The following CTNND2 variants were observed in gnomAD, a reference collection of about 807,000 sequenced individuals.
CTNND2 encodes the protein catenin delta-2.
CTNND2 carries 22 observed loss-of-function variants against 144.4 expected under a neutral mutation model. The observed-to-expected ratio is 0.15, with a 90% confidence interval of 0.11 to 0.22. CTNND2 has a LOEUF of 0.22. Ranked by LOEUF, CTNND2 falls within the 10% of genes least tolerant of loss-of-function variation. CTNND2 has a pLI of 1.00. For synonymous variants in CTNND2, 751 were observed against 695.6 expected (o/e 1.08, Z -1.25); for missense variants, 1,353 against 1,618.8 (o/e 0.84, Z 2.82).
intron 2 of CTNND2, among the ~76,000 whole-genome samples, chr5:11,580,897 G>C (rs1042247952): frequency 6.6e-6 from 1 of 152,126 alleles, no homozygotes; most frequent in African/African-American, 2.4e-5. Context: ...GGGTAGTTTA[G>C]AGGTTTCATC....
At chr5:10,985,982 A>G (rs1413775177) in intron 20 of CTNND2, among the ~76,000 whole-genome samples, 1 of 152,188 alleles carries the variant, frequency 6.6e-6, no homozygotes, top group East Asian at 1.9e-4. Context: ...GATAATAACA[A>G]TCGGCGTTTA....
chr5:11,351,735 A>G lies in CTNND2; in HGVS notation c.1373-5108T>C, dbSNP rs543144002. Among the ~76,000 whole-genome samples the G allele has an allele frequency of 2.6e-5, 4 of 152,346 alleles. No homozygotes were observed. In the South Asian group the frequency reaches 8.3e-4, roughly 32 times the overall value. ...ATGTTCAATAAAGAGGAAGAAAAAA[A>G]GCACTACTTTTTGGATTATTTGTCT... On this transcript the variant is annotated intron_variant, in intron 8 of 21. Transcript: ENST00000304623.
At chr5:11,183,705 C>T (rs973537805) in intron 11 of CTNND2, among the ~76,000 whole-genome samples, 1 of 152,014 alleles carries the variant, frequency 6.6e-6, no homozygotes, top group African/African-American at 2.4e-5. Context: ...TTACAGGTGC[C>T]TGCCACCGTG....
At chr5:11,830,937 C>T (rs1793865880) in intron 1 of CTNND2, among the ~76,000 whole-genome samples, 1 of 151,948 alleles carries the variant, frequency 6.6e-6, no homozygotes, top group African/African-American at 2.4e-5. Flanking sequence ...AAAACAATAC[C>T]ATTTATACCA....
At chr5:11,307,481 G>C (rs1750365875) in intron 9 of CTNND2, among the ~76,000 whole-genome samples, 1 of 151,996 alleles carries the variant, frequency 6.6e-6, no homozygotes, top group Non-Finnish European at 1.5e-5. Flanking sequence ...ATATGACAGG[G>C]GCCAAGGGGC....
chr5:11,457,060 C>T lies in CTNND2; in HGVS notation c.288-44991G>A, dbSNP rs192175249. ...GTCAAGCACTCTCTTAAGCACTTTC[C>T]GTATATTGTCTCATTTAATTTTCAC... On this transcript the variant is annotated intron_variant, in intron 3 of 21. Coordinates refer to ENST00000304623, the MANE Select transcript of CTNND2 (RefSeq NM_001332.4). Among the ~76,000 whole-genome samples the T allele has an allele frequency of 4.0e-4, 61 of 152,188 alleles. No individual in the cohort carries two copies. The South Asian group carries it at 8.7e-3, about 22-fold the overall frequency.
chr5:11,635,849 C>T (rs1781666533), intron 2 of CTNND2, among the ~76,000 whole-genome samples: 1 of 152,100 alleles, frequency 6.6e-6, no homozygotes, highest in South Asian at 2.1e-4. Flanking sequence ...GATCAGCTCC[C>T]ACCCCTACTC....
At chr5:11,703,690 T>C (rs974191376) in intron 2 of CTNND2, among the ~76,000 whole-genome samples, 1 of 152,218 alleles carries the variant, frequency 6.6e-6, no homozygotes, top group African/African-American at 2.4e-5. Flanking sequence ...ATTACTGTAT[T>C]TAGTAAACAA....
intron 2 of CTNND2, among the ~76,000 whole-genome samples, chr5:11,717,360 A>C (rs1209030667): frequency 6.6e-6 from 1 of 151,518 alleles, no homozygotes; most frequent in East Asian, 2.0e-4. Flanking sequence ...GATCACCTGA[A>C]GTCAAGACTT....
At chr5:11,149,777 C>A (rs1757577237) in intron 12 of CTNND2, among the ~76,000 whole-genome samples, 1 of 152,080 alleles carries the variant, frequency 6.6e-6, no homozygotes, top group Non-Finnish European at 1.5e-5. Context: ...GGCTATCAGC[C>A]CATTCACACA....
At chr5:11,229,341 T>C (rs245135) in intron 10 of CTNND2, among the ~76,000 whole-genome samples, 3,591 of 152,300 alleles carry the variant, frequency 0.024, 110 homozygotes, top group African/African-American at 0.073. Context: ...AAAAAGTTAA[T>C]TGATTTATTA....
intron 9 of CTNND2, among the ~76,000 whole-genome samples, chr5:11,262,970 A>G (rs1745069089): frequency 6.6e-6 from 1 of 152,082 alleles, no homozygotes; most frequent in Non-Finnish European, 1.5e-5. Flanking sequence ...ACAGCCTGAC[A>G]TGCTCTAGAA....
intron 3 of CTNND2, among the ~76,000 whole-genome samples, chr5:11,564,428 T>G (rs536470473): frequency 6.6e-6 from 1 of 152,340 alleles, no homozygotes; most frequent in African/African-American, 2.4e-5. Context: ...AATCTCAAAC[T>G]AATCACTAAT....
intron 2 of CTNND2, among the ~76,000 whole-genome samples, chr5:11,572,936 TA>T (rs1777686954): frequency 6.6e-6 from 1 of 152,184 alleles, no homozygotes; most frequent in Admixed American, 6.5e-5. Context: ...CTGAAGTATT[TA>T]ATTAGAAAGC....
chr5:11,399,394 G>A (rs908316528), intron 5 of CTNND2, among the ~76,000 whole-genome samples: 10 of 150,962 alleles, frequency 6.6e-5, no homozygotes, highest in Admixed American at 2.0e-4. Flanking sequence ...ATCTTAGACA[G>A]TTGCATGTCC....
intron 1 of CTNND2, among the ~76,000 whole-genome samples, chr5:11,806,989 T>A (rs114744427): frequency 0.017 from 2,633 of 152,188 alleles, 71 homozygotes; most frequent in African/African-American, 0.06. Context: ...ATTCTCAAGT[T>A]GCTAATGGGT....
chr5:11,887,027 A>G (rs1434343322), intron 1 of CTNND2, among the ~76,000 whole-genome samples: 12 of 117,144 alleles, frequency 1.0e-4, no homozygotes, highest in Admixed American at 1.3e-4. Flanking sequence ...TCTGTCACCC[A>G]GGCTGGAGTG....
At chr5:11,799,558 T>C (rs1791569753) in intron 1 of CTNND2, among the ~76,000 whole-genome samples, 1 of 151,906 alleles carries the variant, frequency 6.6e-6, no homozygotes, top group Admixed American at 6.6e-5. Context: ...TGCATTTTTG[T>C]TCACTGACAC....
At chr5:11,262,775 A>G (rs1488631256) in intron 9 of CTNND2, among the ~76,000 whole-genome samples, 7 of 148,146 alleles carry the variant, frequency 4.7e-5, no homozygotes, top group Admixed American at 4.0e-4. Flanking sequence ...AAAAAAAAAA[A>G]AAAAAAAAAA....
Sources: gnomAD v4.1 joint callset for allele counts (sites outside exome capture counted in the v4.1 genomes callset) on GRCh38, gnomAD v4.1.1 for gene constraint, MANE v1.5 for transcripts, NCBI Gene and HGNC (gene_info 2026-07-23, HGNC 2026-07-21) for gene names.